Variants in GRIK2 observed in about 807,000 individuals in gnomAD.
The protein encoded by GRIK2 is glutamate receptor ionotropic, kainate 2.
GRIK2 carries 32 observed loss-of-function variants against 100.3 expected under a neutral mutation model. The ratio of observed to expected loss-of-function variants is 0.32; its 90% confidence interval spans 0.24 to 0.43. The LOEUF (loss-of-function observed/expected upper bound fraction) is 0.43, where lower values mean the gene tolerates loss of function less well. Ranked by LOEUF, GRIK2 falls within the 20% of genes least tolerant of loss-of-function variation. The pLI, the probability that GRIK2 is intolerant of heterozygous loss-of-function variation, is 1.00. For missense variants in GRIK2, 843 were observed against 1,114.9 expected (o/e 0.76, Z 3.47); for synonymous variants, 417 against 389.4 (o/e 1.07, Z -0.83).
At chr6:101,420,659 T>C (rs1776369270) in intron 2 of GRIK2, among the ~76,000 whole-genome samples, 1 of 152,132 alleles carries the variant, frequency 6.6e-6, no homozygotes, top group Non-Finnish European at 1.5e-5. Flanking sequence ...CCCCTAATTA[T>C]CCTAATGTAT....
intron 14 of GRIK2, among the ~76,000 whole-genome samples, chr6:101,930,641 T>C (rs1182840101): frequency 6.6e-6 from 1 of 152,048 alleles, no homozygotes; most frequent in African/African-American, 2.4e-5. Flanking sequence ...GCAAAGTTCA[T>C]TTTTGAAAAA....
At chr6:101,486,317 G>A (rs1009593120) in intron 2 of GRIK2, among the ~76,000 whole-genome samples, 2 of 147,508 alleles carry the variant, frequency 1.4e-5, no homozygotes, top group African/African-American at 2.5e-5. Context: ...AGCTTTCCAT[G>A]GGATTATTGT....
At chr6:102,052,031 T>C (rs915776375) in intron 15 of GRIK2, among the ~76,000 whole-genome samples, 1 of 152,112 alleles carries the variant, frequency 6.6e-6, no homozygotes. Flanking sequence ...GTTCACTTCA[T>C]TAGAGTTAAG....
chr6:102,045,703 G>T (rs890789486), intron 15 of GRIK2, among the ~76,000 whole-genome samples: 1 of 151,954 alleles, frequency 6.6e-6, no homozygotes, highest in African/African-American at 2.4e-5. Context: ...ATGGTCCAAA[G>T]ATCTTAACAG....
intron 2 of GRIK2, among the ~76,000 whole-genome samples, chr6:101,586,354 A>T (rs2128304847): frequency 6.6e-6 from 1 of 152,212 alleles, no homozygotes; most frequent in South Asian, 2.1e-4. Flanking sequence ...CATATAATGT[A>T]TACATTTTAC....
chr6:101,546,833 TTTTTTTTTTTTTTTG>T (rs1276839037), intron 2 of GRIK2, among the ~76,000 whole-genome samples: 1 of 93,978 alleles, frequency 1.1e-5, no homozygotes, highest in Non-Finnish European at 2.2e-5. Flanking sequence ...TTTTTTTTTT[TTTTTTTTTTTTTTTG>T]GAGACGGAGT....
chr6:101,785,569 G>T (rs554490019), intron 7 of GRIK2, among the ~76,000 whole-genome samples: 12 of 152,090 alleles, frequency 7.9e-5, no homozygotes, highest in Non-Finnish European at 1.6e-4. Flanking sequence ...ATTTATTGAA[G>T]AACCTATTCT....
chr6:101,851,002 C>T (rs1784099417), intron 10 of GRIK2, among the ~76,000 whole-genome samples: 1 of 152,036 alleles, frequency 6.6e-6, no homozygotes, highest in African/African-American at 2.4e-5. Context: ...TCCCATGACA[C>T]AGTGTAGCTG....
At chr6:101,653,872 CG>C (rs2128329810) in intron 4 of GRIK2, among the ~76,000 whole-genome samples, 2 of 152,218 alleles carry the variant, frequency 1.3e-5, no homozygotes, top group South Asian at 4.1e-4. Flanking sequence ...CCACCTGCCT[CG>C]GCCTTTCAAA....
At chr6:101,523,463 A>G (rs190160014) in intron 2 of GRIK2, among the ~76,000 whole-genome samples, 5 of 152,308 alleles carry the variant, frequency 3.3e-5, no homozygotes, top group African/African-American at 1.2e-4. Context: ...CACTGGGACT[A>G]TGAATTCTGG....
intron 2 of GRIK2, among the ~76,000 whole-genome samples, chr6:101,570,146 G>T (rs983571230): frequency 6.6e-6 from 1 of 152,048 alleles, no homozygotes; most frequent in African/African-American, 2.4e-5. Context: ...ATAGGCTCAA[G>T]TTTGAATCTC....
intron 7 of GRIK2, among the ~76,000 whole-genome samples, chr6:101,732,004 G>A (rs976592677): frequency 6.6e-6 from 1 of 152,026 alleles, no homozygotes; most frequent in Non-Finnish European, 1.5e-5. Context: ...TTTCAAATGA[G>A]TAGTGAACAG....
At chr6:101,839,404 G>A (rs1783358390) in intron 10 of GRIK2, among the ~76,000 whole-genome samples, 2 of 152,178 alleles carry the variant, frequency 1.3e-5, no homozygotes, top group Non-Finnish European at 2.9e-5. Context: ...ATAACTCTAA[G>A]TAGTCTACCA....
intron 2 of GRIK2, among the ~76,000 whole-genome samples, chr6:101,561,421 A>G (rs1470954573): frequency 2.0e-5 from 3 of 152,152 alleles, no homozygotes; most frequent in Non-Finnish European, 4.4e-5. Flanking sequence ...GTTAAGGGAT[A>G]TAAAAATACA....
chr6:101,610,834 G>A (rs2128313243), intron 2 of GRIK2, among the ~76,000 whole-genome samples: 1 of 151,502 alleles, frequency 6.6e-6, no homozygotes, highest in East Asian at 2.0e-4. Context: ...TCAAATAGTT[G>A]GTATTATTTA....
At chr6:101,877,111 G>A (rs1163932476) in intron 11 of GRIK2, among the ~76,000 whole-genome samples, 1 of 151,698 alleles carries the variant, frequency 6.6e-6, no homozygotes, top group Non-Finnish European at 1.5e-5. Flanking sequence ...AGTAATTGGT[G>A]CAATGTTACA....
intron 7 of GRIK2, among the ~76,000 whole-genome samples, chr6:101,697,177 C>CT (rs1461249334): frequency 6.6e-6 from 1 of 151,904 alleles, no homozygotes; most frequent in Admixed American, 6.6e-5. Context: ...ACCTACCTGG[C>CT]TTTTTATAAT....
chr6:101,574,795 G>C (rs1176420617), intron 2 of GRIK2, among the ~76,000 whole-genome samples: 1 of 151,796 alleles, frequency 6.6e-6, no homozygotes, highest in Non-Finnish European at 1.5e-5. Flanking sequence ...TAAAATAACA[G>C]ATATTATGTG....
At chr6:101,796,236 T>G (rs1780296070) in intron 7 of GRIK2, among the ~76,000 whole-genome samples, 1 of 152,180 alleles carries the variant, frequency 6.6e-6, no homozygotes, top group Admixed American at 6.5e-5. Flanking sequence ...TGCACCTGAA[T>G]AATGGTTATG....
Sources: allele counts gnomAD v4.1 joint callset (sites outside exome capture counted in the v4.1 genomes callset), GRCh38; gene constraint gnomAD v4.1.1; transcripts MANE v1.5; gene names NCBI Gene and HGNC (gene_info 2026-07-23, HGNC 2026-07-21).